Variants in RFC1 observed in about 807,000 individuals in gnomAD.
RFC1 encodes the protein A1 140 kDa subunit.
A neutral mutation model predicts 137.4 loss-of-function variants in RFC1; 37 were observed. That is an observed-to-expected ratio of 0.27 (90% CI 0.21 to 0.35). The LOEUF (loss-of-function observed/expected upper bound fraction) is 0.35, where lower values mean the gene tolerates loss of function less well. Ranked by LOEUF, RFC1 falls within the 10% of genes least tolerant of loss-of-function variation. The pLI, the probability that RFC1 is intolerant of heterozygous loss-of-function variation, is 1.00. For synonymous variants in RFC1, 429 were observed against 455.7 expected (o/e 0.94, Z 0.75); for missense variants, 1,205 against 1,358.5 (o/e 0.89, Z 1.78).
chr4:39,349,595 T>C (rs1369825180), intron 2 of RFC1, among the ~76,000 whole-genome samples: 1 of 152,188 alleles, frequency 6.6e-6, no homozygotes, highest in Non-Finnish European at 1.5e-5. Context: ...TATTTTGTAG[T>C]ATTTTGTCAT....
intron 2 of RFC1, among the ~76,000 whole-genome samples, chr4:39,346,887 C>T (rs1740887276): frequency 6.6e-6 from 1 of 152,180 alleles, no homozygotes; most frequent in South Asian, 2.1e-4. Flanking sequence ...ATATGTGGAA[C>T]AACTCCTATA....
At chr4:39,315,393 C>G (rs1439556401) in intron 10 of RFC1, among the ~76,000 whole-genome samples, 1 of 152,192 alleles carries the variant, frequency 6.6e-6, no homozygotes. Context: ...CCACCCTCTT[C>G]TACTTCACAA....
At position 39,351,378 on chromosome 4, in the gene RFC1, TAAA is replaced by T; in HGVS notation, c.99_101del (p.Leu34del). On this transcript the variant is annotated inframe_deletion, in exon 2 of 25. Transcript: ENST00000349703. ...TTTCCTTTATTCCTTTCTTTGCTTTTAAAGTTTCTTCATCAGACTTTGTTTTCT... is the reference window on the plus strand; with the variant it reads ...TTTCCTTTATTCCTTTCTTTGCTTTTGTTTCTTCATCAGACTTTGTTTTCT... 6.4e-7 allele frequency: 1 copy of T among 1,568,006 alleles called. No individual in the cohort carries two copies. The highest frequency in any genetic ancestry group is 1.2e-5 in the South Asian group (1 of 82,782).
intron 2 of RFC1, 48 bp from the exon 3 acceptor site, chr4:39,345,524 A>AT: frequency 1.4e-6 from 2 of 1,449,412 alleles, no homozygotes; most frequent in Non-Finnish European, 1.9e-6. Context: ...CTATATAACT[A>AT]TCTTTTTTTT....
At chr4:39,344,175 G>C in intron 3 of RFC1, among the ~76,000 whole-genome samples, 1 of 151,200 alleles carries the variant, frequency 6.6e-6, no homozygotes, top group Admixed American at 6.6e-5. Context: ...TAATACAGCA[G>C]ATCTTGTCCA....
At chr4:39,313,940 C>G (rs1739105062) in intron 10 of RFC1, among the ~76,000 whole-genome samples, 1 of 152,110 alleles carries the variant, frequency 6.6e-6, no homozygotes, top group Non-Finnish European at 1.5e-5. Flanking sequence ...TTAATTGGAA[C>G]TATGTTGAGT....
chr4:39,317,342 A>G (rs1272252035), intron 9 of RFC1, among the ~76,000 whole-genome samples: 1 of 152,238 alleles, frequency 6.6e-6, no homozygotes, highest in Non-Finnish European at 1.5e-5. Flanking sequence ...ATTTTAAATT[A>G]TATTTCATGA....
At chr4:39,338,006 C>T (rs1553925800) in intron 4 of RFC1, among the ~76,000 whole-genome samples, 1 of 152,090 alleles carries the variant, frequency 6.6e-6, no homozygotes, top group Non-Finnish European at 1.5e-5. Context: ...CTGATGAAAC[C>T]GTAATAAAAG....
chr4:39,348,262 A>G (rs1285405740), intron 2 of RFC1, among the ~76,000 whole-genome samples: 1 of 151,032 alleles, frequency 6.6e-6, no homozygotes, highest in East Asian at 2.0e-4. Flanking sequence ...TCTCTAGGAA[A>G]AATACAAAAA....
intron 9 of RFC1, among the ~76,000 whole-genome samples, chr4:39,320,104 C>T (rs532420499): frequency 6.6e-6 from 1 of 152,292 alleles, no homozygotes; most frequent in South Asian, 2.1e-4. Context: ...AATCCCAGCA[C>T]TTTGGGAGGC....
At chr4:39,324,468 G>GT (rs1739664084) in intron 6 of RFC1, among the ~76,000 whole-genome samples, 3 of 152,178 alleles carry the variant, frequency 2.0e-5, no homozygotes, top group Admixed American at 6.5e-5. Flanking sequence ...TTACTTCCTA[G>GT]TTTGACCTAG....
At chr4:39,308,531 C>A in intron 13 of RFC1, 105 bp downstream of exon 13, 1 of 1,460,020 alleles carries the variant, frequency 6.8e-7, no homozygotes, top group Non-Finnish European at 9.3e-7. Flanking sequence ...TTAATAAATG[C>A]TTGCTGACAG....
chr4:39,339,981 A>C (rs1035380771), intron 4 of RFC1, among the ~76,000 whole-genome samples: 3 of 152,238 alleles, frequency 2.0e-5, no homozygotes, highest in African/African-American at 4.8e-5. Flanking sequence ...TAAGAATAAC[A>C]GTTAATATTT....
At chr4:39,341,759 A>G in intron 4 of RFC1, 1 of 429,780 alleles carries the variant, frequency 2.3e-6, no homozygotes, top group Non-Finnish European at 4.7e-6. Flanking sequence ...GGATCCTTAC[A>G]TAAAAGAACA....
chr4:39,336,846 T>C (rs1255102169), intron 4 of RFC1, among the ~76,000 whole-genome samples: 1 of 152,224 alleles, frequency 6.6e-6, no homozygotes, highest in East Asian at 1.9e-4. Flanking sequence ...AACAGCTATA[T>C]CCAGGGTGCT....
chr4:39,336,771 G>A (rs1018032892), intron 4 of RFC1, among the ~76,000 whole-genome samples: 3 of 152,152 alleles, frequency 2.0e-5, no homozygotes, highest in Non-Finnish European at 4.4e-5. Flanking sequence ...GCAAGATAGA[G>A]AAATACAAAA....
intron 4 of RFC1, among the ~76,000 whole-genome samples, chr4:39,336,862 T>C (rs1368240567): frequency 6.6e-6 from 1 of 152,258 alleles, no homozygotes; most frequent in Non-Finnish European, 1.5e-5. Flanking sequence ...GTGCTGATGA[T>C]GATTCAAAGC....
intron 3 of RFC1, 104 bp from the exon 4 acceptor site, chr4:39,342,571 A>C: frequency 9.0e-7 from 1 of 1,110,218 alleles, no homozygotes; most frequent in Non-Finnish European, 1.3e-6. Flanking sequence ...GTCTTTTTCA[A>C]GGCACATGTC....
intron 10 of RFC1, 117 bp from the exon 11 acceptor site, chr4:39,313,048 G>T: frequency 2.3e-6 from 2 of 859,894 alleles, no homozygotes; most frequent in South Asian, 2.0e-5. Flanking sequence ...AATAACCTTG[G>T]CATGGAAAGT....
Sources: allele counts gnomAD v4.1 joint callset (sites outside exome capture counted in the v4.1 genomes callset), GRCh38; gene constraint gnomAD v4.1.1; transcripts MANE v1.5; gene names NCBI Gene and HGNC (gene_info 2026-07-23, HGNC 2026-07-21).